The following DNAH5 variants were observed in gnomAD, a reference collection of about 807,000 sequenced individuals.
DNAH5 encodes the protein axonemal beta dynein heavy chain 5.
Under a neutral mutation model 518.2 loss-of-function variants are expected in DNAH5, and 372 were observed. The ratio of observed to expected loss-of-function variants is 0.72; its 90% confidence interval spans 0.66 to 0.78. DNAH5 has a LOEUF of 0.78. DNAH5 is among the 30% of genes least tolerant of loss of function. DNAH5 has a pLI of 0.00. For missense variants in DNAH5, 5,523 were observed against 5,687.0 expected (o/e 0.97, Z 0.93); for synonymous variants, 2,039 against 2,025.9 (o/e 1.01, Z -0.17).
intron 1 of DNAH5, among the ~76,000 whole-genome samples, chr5:13,999,650 A>C (rs1005982665): frequency 6.6e-6 from 1 of 152,230 alleles, no homozygotes; most frequent in African/African-American, 2.4e-5. Flanking sequence ...TGCAATAAAC[A>C]CGAGAACACT....
At chr5:13,811,046 G>A (rs1284678332) in intron 44 of DNAH5, among the ~76,000 whole-genome samples, 1 of 152,164 alleles carries the variant, frequency 6.6e-6, no homozygotes, top group Non-Finnish European at 1.5e-5. Context: ...TTGAAGTCAT[G>A]GAGATAGAGT....
chr5:13,958,030 T>G (rs1276082152), intron 1 of DNAH5, among the ~76,000 whole-genome samples: 1 of 151,976 alleles, frequency 6.6e-6, no homozygotes, highest in African/African-American at 2.4e-5. Context: ...CATTCTCATA[T>G]TATTGAATAT....
At chr5:13,980,747 A>C (rs1156808981) in intron 1 of DNAH5, among the ~76,000 whole-genome samples, 1 of 152,072 alleles carries the variant, frequency 6.6e-6, no homozygotes, top group Non-Finnish European at 1.5e-5. Flanking sequence ...AATGGAGGTC[A>C]GTTCATGTTT....
At position 13,758,841 on chromosome 5, in the gene DNAH5, G is replaced by A. The variant is rs1438396297; in HGVS notation, c.10419+5C>T. 1.2e-6 allele frequency: 2 copies of A among 1,614,116 alleles called. No homozygotes were observed. The highest frequency in any genetic ancestry group is 2.7e-5 in the African/African-American group (2 of 75,044). On this transcript the variant is annotated splice_donor_5th_base_variant and intron_variant, in intron 61 of 78. Coordinates refer to ENST00000265104, the MANE Select transcript of DNAH5 (RefSeq NM_001369.3). ...ACAGTCCCTGCCATGACAAAGGGCA[G>A]TTACCTGCTTTTCAGTCATGGCCTG...
rs74289744 is a variant in DNAH5 at position 13,989,077 on chromosome 5, G to A, written c.12+22571C>T. On this transcript the variant is annotated intron_variant, in intron 1 of 78. Coordinates refer to the DNAH5 transcript ENST00000681290. The stretch of plus-strand genomic sequence containing the variant: ...CTGAAATGCAGCCCGGGGAGAGATG[G>A]AGGGTGTGTGGTAAGCAGGGTCACT... Among the ~76,000 whole-genome samples, 86 of 152,228 alleles carry A rather than the reference G, an allele frequency of 5.6e-4. 1 individual carries two copies. In the East Asian group the frequency reaches 0.014, roughly 25 times the overall value.
In DNAH5 at chr5:13,901,334, T is replaced by C; in HGVS notation, c.1970A>G (p.Lys657Arg). 1 of 1,614,148 alleles carries C rather than the reference T, an allele frequency of 6.2e-7. No individual in the cohort carries two copies. Among genetic ancestry groups the C allele is most frequent in the Non-Finnish European group, 8.5e-7 (1 of 1,180,020 alleles). Residue 657 changes from lysine (K) to arginine (R), a missense_variant, in exon 14 of 79, where the codon AAA (lysine) becomes AGA (arginine). Lys to Arg is a conservative substitution (Grantham distance 26, BLOSUM62 2). This residue lies in a region of DNAH5 where 5,121 missense variants were observed against 5,223.3 expected (regional missense o/e 0.98). Coordinates refer to ENST00000265104, the MANE Select transcript of DNAH5 (RefSeq NM_001369.3). ...HPAVLSTAEA[K>R]PIIRSYNRMA... is the part of the protein sequence containing the mutation. ...CCTGTTGTAACTGCGAATTATAGGT[T>C]TGGCTTCTGCCGTGCTTAGCACAGC...
intron 12 of DNAH5, among the ~76,000 whole-genome samples, chr5:13,903,973 T>C (rs947276512): frequency 4.6e-5 from 7 of 152,066 alleles, no homozygotes; most frequent in Non-Finnish European, 7.4e-5. Flanking sequence ...TAAATAACTA[T>C]TAGTAATAAC....
intron 31 of DNAH5, among the ~76,000 whole-genome samples, chr5:13,849,030 C>A (rs184711140): frequency 1.2e-4 from 18 of 152,330 alleles, no homozygotes; most frequent in African/African-American, 4.1e-4. Context: ...GTGGGGTGGA[C>A]AACCATGTAC....
At chr5:13,777,642 CT>C (rs1176761443) in intron 53 of DNAH5, among the ~76,000 whole-genome samples, 1 of 152,110 alleles carries the variant, frequency 6.6e-6, no homozygotes, top group Non-Finnish European at 1.5e-5. Context: ...CAAAATGTAT[CT>C]TTCTCAAAAT....
In DNAH5 at chr5:13,707,332, GC is replaced by G. The variant is rs1742929864; in HGVS notation, c.13338+790del. ...ATAAAACCTTGCACCCGACCTCTAA[GC>G]CCACATGTGAGGCAATTTTTCCAGT... On this transcript the variant is annotated intron_variant, in intron 76 of 78. Transcript: ENST00000265104. This position sits in a 1 kb window ranked among gnomAD's most constrained non-coding sequence, Gnocchi z 4.0. Among the ~76,000 whole-genome samples the G allele has an allele frequency of 6.6e-6, 1 of 152,152 alleles. No homozygotes were observed. Among genetic ancestry groups the G allele is most frequent in the African/African-American group, 2.4e-5 (1 of 41,436 alleles).
chr5:13,807,040 G>A (rs1376081908), intron 47 of DNAH5, among the ~76,000 whole-genome samples: 1 of 152,166 alleles, frequency 6.6e-6, no homozygotes, highest in African/African-American at 2.4e-5. Context: ...AATCATAGCT[G>A]GGGATTCTTC....
intron 38 of DNAH5, among the ~76,000 whole-genome samples, chr5:13,827,746 T>C (rs970026957): frequency 6.6e-6 from 1 of 151,910 alleles, no homozygotes; most frequent in African/African-American, 2.4e-5. Context: ...CATCCCGAAG[T>C]GTAGTTCCAT....
chr5:13,987,146 T>C (rs1329478563), intron 1 of DNAH5, among the ~76,000 whole-genome samples: 1 of 152,086 alleles, frequency 6.6e-6, no homozygotes, highest in Non-Finnish European at 1.5e-5. Flanking sequence ...TGCCCTCATA[T>C]TGATTCTCCC....
intron 43 of DNAH5, among the ~76,000 whole-genome samples, chr5:13,812,753 A>C (rs1760887338): frequency 6.6e-6 from 1 of 152,236 alleles, no homozygotes; most frequent in South Asian, 2.1e-4. Context: ...ACCTAGTATT[A>C]AGAAACTGCA....
At chr5:13,791,966 T>C (rs779550622) in intron 50 of DNAH5, 28 bp downstream of exon 50, 5 of 1,542,080 alleles carry the variant, frequency 3.2e-6, no homozygotes, top group Non-Finnish European at 3.6e-6. Flanking sequence ...GCAATGTTAT[T>C]TGTTTTTCTT....
At chr5:13,880,702 G>GA (rs1429401324) in intron 21 of DNAH5, among the ~76,000 whole-genome samples, 4 of 148,592 alleles carry the variant, frequency 2.7e-5, no homozygotes, top group East Asian at 2.0e-4. Context: ...ATACATAAAA[G>GA]AAAAAAAAAG....
chr5:13,757,155 A>G (rs1044877090), intron 61 of DNAH5, among the ~76,000 whole-genome samples: 2 of 152,204 alleles, frequency 1.3e-5, no homozygotes, highest in Non-Finnish European at 2.9e-5. Context: ...TGAACAGGGC[A>G]GCAATGAACA....
intron 63 of DNAH5, 50 bp from the exon 64 acceptor site, chr5:13,752,339 A>T (rs750091616): frequency 5.0e-6 from 8 of 1,585,104 alleles, no homozygotes; most frequent in Non-Finnish European, 6.9e-6. Flanking sequence ...CCATGAAGCA[A>T]TGCACAGGGA....
chr5:13,783,658 G>C (rs1320761307), intron 52 of DNAH5, among the ~76,000 whole-genome samples: 1 of 152,066 alleles, frequency 6.6e-6, no homozygotes, highest in Non-Finnish European at 1.5e-5. Flanking sequence ...AGACAAAAGA[G>C]GTATCACACA....
Sources: gnomAD v4.1 joint callset for allele counts (sites outside exome capture counted in the v4.1 genomes callset) on GRCh38, gnomAD v4.1.1 for gene constraint, gnomAD v4.1.1 regional missense constraint, Gnocchi (gnomAD v3.1) non-coding constraint, MANE v1.5 for transcripts, NCBI Gene and HGNC (gene_info 2026-07-23, HGNC 2026-07-21) for gene names.